The following ARHGAP27 variants were observed in gnomAD, a reference collection of about 807,000 sequenced individuals.
The protein encoded by ARHGAP27 is Rho GTPase activating protein 27, also known as rho GTPase-activating protein 27.
A neutral mutation model predicts 102.0 loss-of-function variants in ARHGAP27; 53 were observed. The observed-to-expected ratio is 0.52, with a 90% CI of 0.42 to 0.65. ARHGAP27 has a LOEUF of 0.65. ARHGAP27 is among the 30% of genes least tolerant of loss of function. The probability of loss-of-function intolerance (pLI) is 0.00; values close to 1 mark genes in which losing one functional copy is unlikely to be tolerated. For synonymous variants in ARHGAP27, 525 were observed against 542.8 expected (o/e 0.97, Z 0.46); for missense variants, 1,117 against 1,256.2 (o/e 0.89, Z 1.68).
Position 45,404,324 on chromosome 17 carries a change from T to C in ARHGAP27, c.1424A>G (p.Glu475Gly). 6.2e-7 allele frequency: 1 copy of C among 1,614,044 alleles called. No individual in the cohort carries two copies. The change falls in exon 9 of 20, where the codon GAG becomes GGG. Residue 475 changes from glutamate to glycine, a missense_variant. Glu to Gly is a moderately conservative substitution (Grantham distance 98). Transcript: ENST00000685559. The stretch of plus-strand genomic sequence containing the variant: ...CTCCCAGCTCCCAACCTCATCCAGC[T>C]CTGCTGGGACCTATGGGGGAAGACA... ...ASPPEEKVPAELDEVGSWEEV... is the reference protein window; with the variant it reads ...ASPPEEKVPAGLDEVGSWEEV...
rs773433090 is a variant in ARHGAP27 at position 45,405,964 on chromosome 17, G to A, written c.777C>T (p.Gly259=). The A allele has an allele frequency of 1.3e-6, 2 of 1,535,918 alleles. No individual in the cohort carries two copies. Among genetic ancestry groups the A allele is most frequent in the South Asian group, 2.4e-5 (2 of 84,056 alleles). The change falls in exon 5 of 20, where the codon GGC becomes GGT. Residue 259 remains glycine, a synonymous_variant. Transcript: ENST00000685559. The part of the protein sequence containing the change: ...SPVWETHTDA[G]TGRPYYYNPD... ...GGTTGTAGTAGTAGGGGCGCCCGGT[G>A]CCCGCGTCCGTGTGCGTCTCCCACA...
At chr17:45,410,945 A>G (rs1435435852) in intron 4 of ARHGAP27, among the ~76,000 whole-genome samples, 3 of 152,060 alleles carry the variant, frequency 2.0e-5, no homozygotes, top group Admixed American at 1.3e-4. Context: ...TGACCACATC[A>G]CTATCTGCCC....
At chr17:45,420,251 C>T (rs1377051709) in intron 4 of ARHGAP27, among the ~76,000 whole-genome samples, 2 of 152,172 alleles carry the variant, frequency 1.3e-5, no homozygotes, top group African/African-American at 4.8e-5. Flanking sequence ...TCTCTAGGTA[C>T]AATCTCCAAG....
intron 4 of ARHGAP27, chr17:45,408,132 A>C (rs974780112): frequency 1.3e-5 from 2 of 152,206 alleles, no homozygotes; most frequent in South Asian, 4.1e-4. Flanking sequence ...AAAAAAAAAA[A>C]AAATTCATTT....
At chr17:45,397,339 C>G in intron 13 of ARHGAP27, 1 of 1,241,168 alleles carries the variant, frequency 8.1e-7, no homozygotes, top group Non-Finnish European at 1.0e-6. Context: ...CTAACTGGGT[C>G]AGCATTCCTC....
chr17:45,403,620 A>C lies in ARHGAP27; in HGVS notation c.1637T>G (p.Leu546Arg), dbSNP rs760384913. ...KDSKTSAAGG[L>R]RQPSKFSTPE... ...CCTGCCCTGAGGGCCTGGCCTTACC[A>C]GGCCGCCTGCAGCCGAGGTCTTTGA... The change falls in exon 11 of 20, where the codon CTG becomes CGG. Residue 546 changes from leucine to arginine, a missense_variant and splice_region_variant. Physicochemically the swap from Leu to Arg is moderately radical, Grantham distance 102 (BLOSUM62 -2). Coordinates refer to ENST00000685559, the MANE Select transcript of ARHGAP27 (RefSeq NM_001282290.2). The C allele has an allele frequency of 1.9e-6, 3 of 1,613,486 alleles. No individual in the cohort carries two copies.
intron 4 of ARHGAP27, among the ~76,000 whole-genome samples, chr17:45,417,700 G>A (rs995511038): frequency 3.3e-5 from 5 of 151,374 alleles, no homozygotes; most frequent in African/African-American, 1.2e-4. Context: ...ATTGCAGTGA[G>A]CTGAGATTGT....
At position 45,432,814 on chromosome 17, in the gene ARHGAP27, GTCCCGCGCTCCCTCCTCGACTGTGCGGC is replaced by G. The variant is rs1387343297; in HGVS notation, c.-375_-348del. The G allele has an allele frequency of 1.8e-4, 27 of 152,836 alleles. No homozygotes were observed. In the Middle Eastern group the frequency reaches 7.8e-3, roughly 44 times the overall value. 9.5% of individuals were successfully genotyped at this position (152,836 alleles called of 1,614,324 possible). ...CCCGGCAGGCGCGCGTGGGCTCGGC[GTCCCGCGCTCCCTCCTCGACTGTGCGGC>G]TCCCGCGCTGCCGGGTTTCCTGTTC... is the stretch of plus-strand genomic sequence containing the variant. On this transcript the variant is annotated 5_prime_UTR_variant, in exon 1 of 20. Transcript: ENST00000685559.
At chr17:45,403,856 G>T in intron 10 of ARHGAP27, 147 bp from the exon 11 acceptor site, 1 of 969,386 alleles carries the variant, frequency 1.0e-6, no homozygotes, top group Non-Finnish European at 1.6e-6. Context: ...CTAACACCTA[G>T]CAGCCGAGGG....
At position 45,396,208 on chromosome 17, in the gene ARHGAP27, G is replaced by A. The variant is rs1206642345; in HGVS notation, c.2250C>T (p.His750=). ...GCAGGGGTTGGGGACGGGCCTCACCGTGGTCCACCTTATAGCGTAGCTTCT... is the reference window on the plus strand; with the variant it reads ...GCAGGGGTTGGGGACGGGCCTCACCATGGTCCACCTTATAGCGTAGCTTCT... ...TIQKLRYKVD[H]DERLDLDDGR... Residue 750 remains histidine, a splice_region_variant and synonymous_variant, in exon 17 of 20, where the codon CAC becomes CAT. Coordinates refer to ENST00000685559, the MANE Select transcript of ARHGAP27 (RefSeq NM_001282290.2). 4 of 1,609,894 alleles carry A rather than the reference G, an allele frequency of 2.5e-6. No homozygotes were observed. Among genetic ancestry groups the A allele is most frequent in the Non-Finnish European group, 2.5e-6 (3 of 1,177,554 alleles).
At chr17:45,420,882 C>T (rs1379687148) in intron 4 of ARHGAP27, among the ~76,000 whole-genome samples, 30 of 135,442 alleles carry the variant, frequency 2.2e-4, no homozygotes, top group Admixed American at 8.8e-4. Context: ...ACCCGGGAAG[C>T]GGAGCTTGCA....
rs770478649 is a variant in ARHGAP27 at position 45,405,785 on chromosome 17, T to C, written c.956A>G (p.Tyr319Cys). The change falls in exon 5 of 20, where the codon TAC (tyrosine) becomes TGC (cysteine). Residue 319 changes from tyrosine (Y) to cysteine (C), a missense_variant. This residue lies in a region of ARHGAP27 where 610 missense variants were observed against 716.4 expected (regional missense o/e 0.85). Transcript: ENST00000685559. ...GGCCGTCTCGCCCGTCAGCGGGTTG[T>C]AGAAGAACACCCTGCGGCTCTCCTC... ...WDEESRRVFFYNPLTGETAWE... is the reference protein window; with the variant it reads ...WDEESRRVFFCNPLTGETAWE... 1 of 1,561,344 alleles carries C rather than the reference T, an allele frequency of 6.4e-7. No individual in the cohort carries two copies. The highest frequency in any genetic ancestry group is 8.6e-7 in the Non-Finnish European group (1 of 1,159,638).
chr17:45,410,150 C>G, intron 4 of ARHGAP27: 1 of 1,475,608 alleles, frequency 6.8e-7, no homozygotes, highest in South Asian at 1.2e-5. Flanking sequence ...AGGCTCCCTG[C>G]TCTAAGCCCC....
chr17:45,401,268 G>A (rs2046408793), intron 12 of ARHGAP27, among the ~76,000 whole-genome samples: 1 of 152,120 alleles, frequency 6.6e-6, no homozygotes, highest in African/African-American at 2.4e-5. Context: ...GAGCCCAGGG[G>A]CTTGTGGTTT....
rs1425226735 is a variant in ARHGAP27, at chr17:45,432,219, G to C, written c.-154C>G. ...CCGGGCCCACCTCTTCCCTCACCAG[G>C]GCCTTTCCCGGAGCAGCCCGGCCGG... On this transcript the variant is annotated 5_prime_UTR_variant, in exon 2 of 20. Transcript: ENST00000685559. 6.3e-6 allele frequency: 1 copy of C among 159,788 alleles called. No homozygotes were observed. The highest frequency in any genetic ancestry group is 2.4e-5 in the African/African-American group (1 of 41,530). 9.9% of individuals were successfully genotyped at this position (159,788 alleles called of 1,614,324 possible). A position where few individuals can be genotyped will look rare whatever the true frequency, so the allele number is the denominator to read the frequency against.
chr17:45,415,411 C>T (rs1204377884), intron 4 of ARHGAP27, among the ~76,000 whole-genome samples: 3 of 152,208 alleles, frequency 2.0e-5, no homozygotes, highest in Non-Finnish European at 4.4e-5. Flanking sequence ...CCTGGCTTCT[C>T]ACTCCACCGC....
intron 4 of ARHGAP27, among the ~76,000 whole-genome samples, chr17:45,414,442 G>GTT (rs771117383): frequency 2.2e-5 from 3 of 139,454 alleles, no homozygotes; most frequent in African/African-American, 2.6e-5. Flanking sequence ...CTCCATGTTG[G>GTT]TTTTTTTTTT....
At chr17:45,432,008 G>GC (rs1436499298) in intron 2 of ARHGAP27, among the ~76,000 whole-genome samples, 11 of 18,074 alleles carry the variant, frequency 6.1e-4, no homozygotes, top group African/African-American at 9.9e-4. Context: ...TCTATTCCCC[G>GC]CCCCCCCACC....
At chr17:45,420,950 C>CAAAA in intron 4 of ARHGAP27, among the ~76,000 whole-genome samples, 1 of 68,778 alleles carries the variant, frequency 1.5e-5, no homozygotes, top group South Asian at 6.7e-4. Context: ...GACTCCATCT[C>CAAAA]AAAAAAAAAA....
Sources: allele counts gnomAD v4.1 joint callset (sites outside exome capture counted in the v4.1 genomes callset), GRCh38; gene constraint gnomAD v4.1.1; regional missense constraint gnomAD v4.1.1; transcripts MANE v1.5; gene names NCBI Gene and HGNC (gene_info 2026-07-23, HGNC 2026-07-21).